The following KCNMA1 variants were observed in gnomAD, a reference collection of about 807,000 sequenced individuals.
KCNMA1 encodes potassium calcium-activated channel subfamily M alpha 1, also known as Calcium-activated potassium channel subunit alpha-1.
In KCNMA1, 29 loss-of-function variants were observed where a neutral mutation model predicts 140.0. The ratio of observed to expected loss-of-function variants is 0.21; its 90% CI spans 0.15 to 0.28. KCNMA1 has a LOEUF of 0.28. Among genes scored for constraint, KCNMA1 ranks in the 10% least tolerant of loss-of-function variants. KCNMA1 has a pLI of 1.00. For missense variants in KCNMA1, 880 were observed against 1,602.2 expected (o/e 0.55, Z 7.70); for synonymous variants, 612 against 611.9 (o/e 1.00, Z 0.00).
chr10:77,440,314 A>T (rs560868921), intron 1 of KCNMA1, among the ~76,000 whole-genome samples: 1 of 152,322 alleles, frequency 6.6e-6, no homozygotes, highest in South Asian at 2.1e-4. Flanking sequence ...GGTGGGTGTG[A>T]CTTTTATCCA....
chr10:77,218,884 A>G (rs1243224417), intron 3 of KCNMA1, among the ~76,000 whole-genome samples: 1 of 152,058 alleles, frequency 6.6e-6, no homozygotes, highest in Non-Finnish European at 1.5e-5. Flanking sequence ...ATGGGATTTC[A>G]TCATGTTGGC....
chr10:77,545,093 A>G (rs2061120089), intron 1 of KCNMA1, among the ~76,000 whole-genome samples: 1 of 152,168 alleles, frequency 6.6e-6, no homozygotes, highest in African/African-American at 2.4e-5. Flanking sequence ...TGAAGTTTCT[A>G]ATATGTACTT....
chr10:77,265,385 C>G (rs894810347), intron 2 of KCNMA1, among the ~76,000 whole-genome samples: 1 of 152,178 alleles, frequency 6.6e-6, no homozygotes, highest in Non-Finnish European at 1.5e-5. Flanking sequence ...TCAGGTGATG[C>G]TGATGCTGCT....
chr10:77,410,029 C>T (rs1363154265), intron 1 of KCNMA1, among the ~76,000 whole-genome samples: 1 of 152,108 alleles, frequency 6.6e-6, no homozygotes, highest in African/African-American at 2.4e-5. Flanking sequence ...GAGTCACTGT[C>T]CTCTGGTTCT....
At chr10:77,328,363 G>C (rs2085014010) in intron 2 of KCNMA1, among the ~76,000 whole-genome samples, 1 of 152,130 alleles carries the variant, frequency 6.6e-6, no homozygotes, top group Non-Finnish European at 1.5e-5. Context: ...GGCCAGTACT[G>C]TCAAGTCCCA....
At chr10:77,102,921 T>C (rs1463052407) in intron 9 of KCNMA1, among the ~76,000 whole-genome samples, 2 of 152,102 alleles carry the variant, frequency 1.3e-5, no homozygotes, top group African/African-American at 2.4e-5. Context: ...GTTCCGAGGG[T>C]AGTTTGTTCG....
chr10:76,964,554 T>C (rs957937638), intron 20 of KCNMA1, among the ~76,000 whole-genome samples: 5 of 152,188 alleles, frequency 3.3e-5, no homozygotes, highest in Non-Finnish European at 7.4e-5. Context: ...GCCTGTCATA[T>C]GCTATCAGTT....
rs192603051 is a variant in KCNMA1, at chr10:77,257,132, T to C, written c.541-5876A>G. ...CTCACACACACAAAAAAGAAAAAAA[T>C]AGATGTGAGAACTCCCAAGGCAAAA... On this transcript the variant is annotated intron_variant, in intron 2 of 27. Coordinates refer to ENST00000286628, the MANE Select transcript of KCNMA1 (RefSeq NM_001161352.2). Among the ~76,000 whole-genome samples the C allele has an allele frequency of 1.6e-3, 243 of 152,134 alleles. 5 individuals are homozygous for C. The South Asian group carries it at 0.023, about 14-fold the overall frequency.
intron 18 of KCNMA1, among the ~76,000 whole-genome samples, chr10:77,005,137 T>C (rs1045278965): frequency 3.3e-5 from 5 of 152,154 alleles, no homozygotes; most frequent in Admixed American, 6.5e-5. Context: ...ATCTAGTGGA[T>C]CAATGTGGAA....
At chr10:77,485,292 A>G (rs564458862) in intron 1 of KCNMA1, among the ~76,000 whole-genome samples, 1 of 152,366 alleles carries the variant, frequency 6.6e-6, no homozygotes, top group Non-Finnish European at 1.5e-5. Context: ...CGTAAATAGA[A>G]ATAGATGTCT....
chr10:77,286,137 C>T (rs2070739448), intron 2 of KCNMA1, among the ~76,000 whole-genome samples: 1 of 152,082 alleles, frequency 6.6e-6, no homozygotes, highest in African/African-American at 2.4e-5. Context: ...CTTTAAATCT[C>T]ATTCTTTAAA....
chr10:77,082,809 C>A (rs567409318), intron 12 of KCNMA1, among the ~76,000 whole-genome samples: 1 of 152,264 alleles, frequency 6.6e-6, no homozygotes, highest in South Asian at 2.1e-4. Context: ...CTTAAAATGA[C>A]CTCACTAAGC....
intron 19 of KCNMA1, chr10:76,977,408 T>C (rs1438046677): frequency 1.7e-6 from 1 of 590,996 alleles, no homozygotes; most frequent in African/African-American, 1.9e-5. Flanking sequence ...TGGCTATAAA[T>C]AAAATTTTAT....
intron 3 of KCNMA1, among the ~76,000 whole-genome samples, chr10:77,244,518 G>A (rs566319): frequency 0.34 from 52,278 of 152,144 alleles, 9,397 homozygotes; most frequent in East Asian, 0.57. Context: ...GTGGAAGGGA[G>A]AAGGAGGAAG....
Position 77,494,680 on chromosome 10 carries a change from G to A in KCNMA1, c.379-90657C>T, listed in dbSNP as rs150894650. ...TCCAGAGAGTGAAGAAATGGGATCC[G>A]GGAAGCTTGGTGAATTCGTCTGCTG... is the stretch of plus-strand genomic sequence containing the variant. On this transcript the variant is annotated intron_variant, in intron 1 of 27. Transcript: ENST00000286628. Among the ~76,000 whole-genome samples, 399 of 152,296 alleles carry A rather than the reference G, an allele frequency of 2.6e-3. 8 individuals are homozygous for A. Among genetic ancestry groups the A allele is most frequent in the Admixed American group, 0.018 (274 of 15,296 alleles).
At chr10:77,487,198 G>T (rs2042340880) in intron 1 of KCNMA1, among the ~76,000 whole-genome samples, 1 of 152,130 alleles carries the variant, frequency 6.6e-6, no homozygotes, top group Non-Finnish European at 1.5e-5. Context: ...ACTTGGCCCT[G>T]AAATTCCACC....
Position 77,213,350 on chromosome 10 carries a change from C to T in KCNMA1, c.603-28434G>A, listed in dbSNP as rs140498674. 1.2e-3 allele frequency among the ~76,000 whole-genome samples: 181 copies of T among 152,228 alleles called. 2 individuals are homozygous for T. Among genetic ancestry groups the T allele is most frequent in the African/African-American group, 4.0e-3 (166 of 41,548 alleles). On this transcript the variant is annotated intron_variant, in intron 3 of 27. Coordinates refer to ENST00000286628, the MANE Select transcript of KCNMA1 (RefSeq NM_001161352.2). ...TTTGACTTTTATACTCCACAGGAAT[C>T]AAAGGCAGTAGGCGAGGTCTAAGGA...
chr10:77,170,396 G>A (rs1027843855), intron 5 of KCNMA1, among the ~76,000 whole-genome samples: 9 of 152,032 alleles, frequency 5.9e-5, no homozygotes, highest in East Asian at 1.9e-4. Context: ...CCCTTCCCTC[G>A]AGGAGCGGGC....
intron 2 of KCNMA1, among the ~76,000 whole-genome samples, chr10:77,381,397 T>C (rs1341778474): frequency 6.6e-6 from 1 of 152,224 alleles, no homozygotes; most frequent in East Asian, 1.9e-4. Context: ...AAAATATGCA[T>C]GTAAGTAAAA....
Sources: gnomAD v4.1 joint callset for allele counts (sites outside exome capture counted in the v4.1 genomes callset) on GRCh38, gnomAD v4.1.1 for gene constraint, MANE v1.5 for transcripts, NCBI Gene and HGNC (gene_info 2026-07-23, HGNC 2026-07-21) for gene names.